Variants in GSK3B observed in about 807,000 individuals in gnomAD.
The protein encoded by GSK3B is glycogen synthase kinase 3 beta, also known as glycogen synthase kinase-3 beta.
GSK3B carries 15 observed loss-of-function variants against 56.4 expected under a neutral mutation model. The ratio of observed to expected loss-of-function variants is 0.27; its 90% confidence interval spans 0.18 to 0.41. GSK3B has a LOEUF of 0.41. Ranked by LOEUF, GSK3B falls within the 10% of genes least tolerant of loss-of-function variation. The pLI is 1.00. For missense variants in GSK3B, 300 were observed against 513.4 expected (o/e 0.58, Z 4.02); for synonymous variants, 181 against 188.9 (o/e 0.96, Z 0.34).
intron 1 of GSK3B, among the ~76,000 whole-genome samples, chr3:120,012,280 C>T (rs2107498985): frequency 1.3e-5 from 2 of 152,294 alleles, no homozygotes; most frequent in East Asian, 3.9e-4. Flanking sequence ...TTCCAAGAGA[C>T]CAAAATCCTC....
At chr3:120,029,986 T>C (rs2057961277) in intron 1 of GSK3B, 1 of 451,658 alleles carries the variant, frequency 2.2e-6, no homozygotes, top group Admixed American at 2.4e-5. Context: ...GCATCTGGCC[T>C]CCCAGTGTTT....
intron 2 of GSK3B, among the ~76,000 whole-genome samples, chr3:119,980,239 T>C (rs2057447316): frequency 2.0e-5 from 3 of 152,234 alleles, no homozygotes; most frequent in Admixed American, 6.5e-5. Context: ...ACCTTTTTGT[T>C]TGCATTTGTT....
intron 7 of GSK3B, among the ~76,000 whole-genome samples, chr3:119,893,118 G>C (rs925204796): frequency 7.9e-5 from 12 of 151,748 alleles, no homozygotes; most frequent in Non-Finnish European, 1.0e-4. Context: ...AGTGATTCTT[G>C]TGCCTCAGCC....
intron 1 of GSK3B, among the ~76,000 whole-genome samples, chr3:120,021,380 G>A (rs1559879615): frequency 6.6e-6 from 1 of 151,848 alleles, no homozygotes; most frequent in South Asian, 2.1e-4. Flanking sequence ...GCCGGGCATG[G>A]TGGCGGGCAC....
At chr3:119,898,255 C>T (rs1003013262) in intron 7 of GSK3B, among the ~76,000 whole-genome samples, 3 of 152,116 alleles carry the variant, frequency 2.0e-5, no homozygotes, top group South Asian at 4.1e-4. Context: ...ACTCAAAATA[C>T]AGTTTCCACT....
chr3:120,031,105 T>C (rs1452858147), intron 1 of GSK3B, among the ~76,000 whole-genome samples: 1 of 152,234 alleles, frequency 6.6e-6, no homozygotes, highest in South Asian at 2.1e-4. Flanking sequence ...TATCATACAA[T>C]GCAAAAATTA....
At chr3:120,014,132 CAAAAA>C (rs886541816) in intron 1 of GSK3B, among the ~76,000 whole-genome samples, 1 of 77,478 alleles carries the variant, frequency 1.3e-5, no homozygotes, top group African/African-American at 4.4e-5. Flanking sequence ...GAGACTCTGT[CAAAAA>C]AAAAAAAAAA....
chr3:119,929,414 G>A (rs967772311), intron 3 of GSK3B, among the ~76,000 whole-genome samples: 1 of 152,182 alleles, frequency 6.6e-6, no homozygotes, highest in African/African-American at 2.4e-5. Flanking sequence ...ACCTGGAGAT[G>A]TGTATACCAC....
At chr3:119,861,320 G>A (rs1448021826) in intron 9 of GSK3B, among the ~76,000 whole-genome samples, 1 of 152,006 alleles carries the variant, frequency 6.6e-6, no homozygotes, top group African/African-American at 2.4e-5. Flanking sequence ...AAACCAGCCT[G>A]GCCAACATGG....
At chr3:119,974,930 T>A (rs1295508820) in intron 2 of GSK3B, among the ~76,000 whole-genome samples, 1 of 152,098 alleles carries the variant, frequency 6.6e-6, no homozygotes, top group Non-Finnish European at 1.5e-5. Flanking sequence ...TAGCACTTGT[T>A]TACAAAACTA....
At chr3:119,886,919 G>C (rs1304137276) in intron 7 of GSK3B, among the ~76,000 whole-genome samples, 1 of 152,018 alleles carries the variant, frequency 6.6e-6, no homozygotes, top group East Asian at 1.9e-4. Flanking sequence ...TCAGTACCTG[G>C]GTGAAAAGAT....
intron 7 of GSK3B, among the ~76,000 whole-genome samples, chr3:119,883,227 T>C (rs997820395): frequency 6.6e-6 from 1 of 152,148 alleles, no homozygotes; most frequent in Non-Finnish European, 1.5e-5. Flanking sequence ...CAGTGGGATT[T>C]ACAACATATT....
At chr3:120,082,489 C>T (rs1486162295) in intron 1 of GSK3B, among the ~76,000 whole-genome samples, 1 of 149,664 alleles carries the variant, frequency 6.7e-6, no homozygotes, top group African/African-American at 2.5e-5. Flanking sequence ...CTCTGCCTCC[C>T]AGGTTCAAGC....
intron 7 of GSK3B, among the ~76,000 whole-genome samples, chr3:119,897,749 C>T (rs745503642): frequency 1.5e-4 from 22 of 146,464 alleles, no homozygotes; most frequent in African/African-American, 2.3e-4. Flanking sequence ...GTCAAGACAG[C>T]GCCACTGAAC....
chr3:120,033,911 A>G (rs1408400196), intron 1 of GSK3B, among the ~76,000 whole-genome samples: 3 of 152,162 alleles, frequency 2.0e-5, no homozygotes, highest in Non-Finnish European at 4.4e-5. Context: ...TGGAACTGTG[A>G]GTCAATTAAA....
intron 1 of GSK3B, among the ~76,000 whole-genome samples, chr3:120,061,920 C>T (rs1264201629): frequency 2.6e-5 from 4 of 152,020 alleles, no homozygotes; most frequent in South Asian, 4.2e-4. Context: ...TTAGTAGAGA[C>T]GGGGTTTCTC....
chr3:119,834,310 A>G (rs1319500721), intron 10 of GSK3B, among the ~76,000 whole-genome samples: 2 of 152,238 alleles, frequency 1.3e-5, no homozygotes, highest in African/African-American at 4.8e-5. Flanking sequence ...ACAGAGAATC[A>G]AAGTATACCC....
intron 9 of GSK3B, among the ~76,000 whole-genome samples, chr3:119,859,655 CTT>C (rs2056072987): frequency 1.3e-5 from 2 of 151,960 alleles, no homozygotes; most frequent in Admixed American, 6.6e-5. Context: ...CCTTATTTTC[CTT>C]TGTTTTTTAT....
At chr3:119,868,542 A>T (rs1456348188) in intron 8 of GSK3B, among the ~76,000 whole-genome samples, 1 of 152,162 alleles carries the variant, frequency 6.6e-6, no homozygotes, top group Non-Finnish European at 1.5e-5. Context: ...AATCACATAC[A>T]CCATACTAAG....
Sources: gnomAD v4.1 joint callset for allele counts (sites outside exome capture counted in the v4.1 genomes callset) on GRCh38, gnomAD v4.1.1 for gene constraint, MANE v1.5 for transcripts, NCBI Gene and HGNC (gene_info 2026-07-23, HGNC 2026-07-21) for gene names.